SMARCAD1: variants seen among roughly 807,000 people sequenced by gnomAD.
SMARCAD1 encodes the protein SNF2 related chromatin remodeling ATPase with DExD box 1, also known as SWI/SNF-related matrix-associated actin-dependent regulator of chromatin subfamily A containing DEAD/H box 1.
Under a neutral mutation model 127.1 loss-of-function variants are expected in SMARCAD1, and 25 were observed. The ratio of observed to expected loss-of-function variants is 0.20; its 90% CI spans 0.14 to 0.27. The LOEUF (loss-of-function observed/expected upper bound fraction) is 0.27, where lower values mean the gene tolerates loss of function less well. SMARCAD1 is among the 10% of genes least tolerant of loss of function. The pLI, the probability that SMARCAD1 is intolerant of heterozygous loss-of-function variation, is 1.00. For missense variants in SMARCAD1, 807 were observed against 1,206.0 expected, an observed-to-expected ratio of 0.67 and a Z score of 4.90; for synonymous variants, 400 against 396.9, an observed-to-expected ratio of 1.01 and a Z score of -0.09.
intron 6 of SMARCAD1, among the ~76,000 whole-genome samples, chr4:94,243,217 G>C (rs1330522922): frequency 6.6e-6 from 1 of 152,184 alleles, no homozygotes; most frequent in African/African-American, 2.4e-5. Context: ...GGGATTACAG[G>C]CGGCAGCCAC....
chr4:94,258,771 G>A (rs981366171), intron 9 of SMARCAD1, among the ~76,000 whole-genome samples: 1 of 152,212 alleles, frequency 6.6e-6, no homozygotes, highest in African/African-American at 2.4e-5. Flanking sequence ...TATAGTGCCT[G>A]CCTATGGGAA....
rs536429020 is a variant in SMARCAD1 at position 94,212,765 on chromosome 4, A to G, written c.190+4181A>G. On this transcript the variant is annotated intron_variant, in intron 2 of 23. Coordinates refer to ENST00000354268, the MANE Select transcript of SMARCAD1 (RefSeq NM_020159.5). ...GCCTCCCAAAGTGCTGGGATTACAGACATGAGCCACCACACCTTTATTTTA... is the reference window on the plus strand; with the variant it reads ...GCCTCCCAAAGTGCTGGGATTACAGGCATGAGCCACCACACCTTTATTTTA... Among the ~76,000 whole-genome samples, 13 of 152,002 alleles carry G rather than the reference A, an allele frequency of 8.6e-5. No individual in the cohort carries two copies. In the East Asian group the frequency reaches 1.9e-3, roughly 23 times the overall value.
intron 2 of SMARCAD1, among the ~76,000 whole-genome samples, chr4:94,225,549 T>C (rs1238960719): frequency 6.6e-6 from 1 of 152,184 alleles, no homozygotes; most frequent in Non-Finnish European, 1.5e-5. Context: ...AATTACATTT[T>C]GAGGTATTGG....
chr4:94,260,615 C>T (rs973540291), intron 9 of SMARCAD1, among the ~76,000 whole-genome samples: 5 of 152,120 alleles, frequency 3.3e-5, no homozygotes, highest in Admixed American at 6.6e-5. Flanking sequence ...AGATTACAGG[C>T]GTGAGCCACC....
chr4:94,284,832 A>G (rs1754703315), intron 22 of SMARCAD1, 128 bp from the exon 23 acceptor site: 1 of 654,488 alleles, frequency 1.5e-6, no homozygotes, highest in Non-Finnish European at 2.6e-6. Context: ...AGTGGCTTAA[A>G]TAAAAGAATT....
At chr4:94,210,004 C>G (rs1440909669) in intron 2 of SMARCAD1, among the ~76,000 whole-genome samples, 1 of 152,144 alleles carries the variant, frequency 6.6e-6, no homozygotes, top group Non-Finnish European at 1.5e-5. Flanking sequence ...GTGATCCACA[C>G]TTTTTTCATC....
intron 2 of SMARCAD1, among the ~76,000 whole-genome samples, chr4:94,225,563 T>C (rs1210777804): frequency 6.6e-6 from 1 of 152,194 alleles, no homozygotes; most frequent in Non-Finnish European, 1.5e-5. Flanking sequence ...GTATTGGTGA[T>C]TGGGACTTAA....
intron 2 of SMARCAD1, among the ~76,000 whole-genome samples, chr4:94,210,929 CAAAAAAAAAAAAA>C (rs747690168): frequency 3.5e-5 from 2 of 57,048 alleles, no homozygotes; most frequent in African/African-American, 1.7e-4. Flanking sequence ...GACTGTATCT[CAAAAAAAAAAAAA>C]AAAAAAAAGG....
At chr4:94,260,471 A>G (rs1056940442) in intron 9 of SMARCAD1, among the ~76,000 whole-genome samples, 3 of 151,942 alleles carry the variant, frequency 2.0e-5, no homozygotes, top group East Asian at 1.9e-4. Context: ...AGCCTCCTGA[A>G]TAGCTGGGAT....
intron 6 of SMARCAD1, among the ~76,000 whole-genome samples, chr4:94,247,948 T>G (rs1421571976): frequency 2.0e-5 from 3 of 152,200 alleles, no homozygotes; most frequent in African/African-American, 7.2e-5. Context: ...GTCACCCAGA[T>G]AGTAAGGATA....
At chr4:94,211,099 C>T (rs1742170875) in intron 2 of SMARCAD1, among the ~76,000 whole-genome samples, 4 of 151,822 alleles carry the variant, frequency 2.6e-5, no homozygotes, top group Admixed American at 2.6e-4. Flanking sequence ...ATGGAGAAAC[C>T]CCGTTTCTAC....
chr4:94,219,394 C>T (rs1430003696), intron 2 of SMARCAD1, among the ~76,000 whole-genome samples: 1 of 151,396 alleles, frequency 6.6e-6, no homozygotes, highest in Non-Finnish European at 1.5e-5. Context: ...TTTTTTTGTT[C>T]GAATGAGCCT....
At chr4:94,273,899 G>T (rs1579313224) in intron 12 of SMARCAD1, among the ~76,000 whole-genome samples, 183 bp downstream of exon 12, 2 of 152,100 alleles carry the variant, frequency 1.3e-5, no homozygotes, top group East Asian at 1.9e-4. Flanking sequence ...GATTATATTG[G>T]CAGTCTTTTA....
chr4:94,224,548 C>T (rs1744698096), intron 2 of SMARCAD1, among the ~76,000 whole-genome samples: 1 of 152,074 alleles, frequency 6.6e-6, no homozygotes, highest in African/African-American at 2.4e-5. Flanking sequence ...ATTTTCCACT[C>T]TTGGAGTCAT....
intron 6 of SMARCAD1, among the ~76,000 whole-genome samples, chr4:94,243,967 A>G (rs1027261955): frequency 1.3e-5 from 2 of 152,352 alleles, no homozygotes; most frequent in Admixed American, 6.5e-5. Flanking sequence ...AGATAAAAAC[A>G]TAACGATACA....
chr4:94,244,238 A>G (rs1362386983), intron 6 of SMARCAD1, among the ~76,000 whole-genome samples: 1 of 152,244 alleles, frequency 6.6e-6, no homozygotes, highest in Non-Finnish European at 1.5e-5. Flanking sequence ...TGTACCCTGC[A>G]TAAGTGGCTC....
rs780067804 is a variant in SMARCAD1 at position 94,252,848 on chromosome 4, T to C, written c.1122T>C (p.Tyr374=). 1.2e-6 allele frequency: 2 copies of C among 1,613,946 alleles called. No individual in the cohort carries two copies. Among genetic ancestry groups the C allele is most frequent in the Non-Finnish European group, 1.7e-6 (2 of 1,179,972 alleles). ...TCGGTAGTTCACTAGATGAGGACTA[T>C]AGTAGTGGTGAAGAAGTGATGGAGG... is the stretch of plus-strand genomic sequence containing the variant. ...SDVGSSLDED[Y]SSGEEVMEDG... The change falls in exon 9 of 24, where the codon TAT becomes TAC. Residue 374 remains tyrosine, a synonymous_variant. Coordinates refer to ENST00000354268, the MANE Select transcript of SMARCAD1 (RefSeq NM_020159.5).
rs576436986 is a variant in SMARCAD1, at chr4:94,216,783, A to G, written c.190+8199A>G. 7.9e-5 allele frequency among the ~76,000 whole-genome samples: 12 copies of G among 152,324 alleles called. No homozygotes were observed. The South Asian group carries it at 2.5e-3, about 32-fold the overall frequency. On this transcript the variant is annotated intron_variant, in intron 2 of 23. Transcript: ENST00000354268. The stretch of plus-strand genomic sequence containing the variant: ...ATTTCCTTCCTTTTTAAGACTGAAT[A>G]ATATTTCACTGTGTGTATATACACA...
intron 4 of SMARCAD1, among the ~76,000 whole-genome samples, chr4:94,236,530 A>T (rs1157004793): frequency 2.0e-5 from 3 of 152,062 alleles, no homozygotes; most frequent in South Asian, 4.1e-4. Flanking sequence ...AAGTAAATAG[A>T]TGTCTGTCAG....
Sources: gnomAD v4.1 joint callset for allele counts (sites outside exome capture counted in the v4.1 genomes callset) on GRCh38, gnomAD v4.1.1 for gene constraint, MANE v1.5 for transcripts, NCBI Gene and HGNC (gene_info 2026-07-23, HGNC 2026-07-21) for gene names.